The following CEP20 variants were observed in gnomAD, a reference collection of about 807,000 sequenced individuals.
CEP20 encodes the protein centrosomal protein 20.
A neutral mutation model predicts 20.0 loss-of-function variants in CEP20; 18 were observed. The observed-to-expected ratio is 0.90, with a 90% CI of 0.62 to 1.34. The LOEUF (loss-of-function observed/expected upper bound fraction) is 1.34, where lower values mean the gene tolerates loss of function less well. CEP20 is among the 40% of genes most tolerant of loss of function. CEP20 has a pLI of 0.00. For synonymous variants in CEP20, 77 were observed against 73.7 expected, an observed-to-expected ratio of 1.04 and a Z score of -0.23; for missense variants, 215 against 201.6, an observed-to-expected ratio of 1.07 and a Z score of -0.40.
intron 3 of CEP20, among the ~76,000 whole-genome samples, chr16:15,878,410 T>A (rs541880668): frequency 1.8e-4 from 28 of 152,238 alleles, no homozygotes; most frequent in African/African-American, 6.7e-4. Flanking sequence ...CCTGGAACAT[T>A]AATTTTACAC....
chr16:15,870,558 A>G (rs2044789163), intron 4 of CEP20, among the ~76,000 whole-genome samples: 1 of 152,216 alleles, frequency 6.6e-6, no homozygotes, highest in South Asian at 2.1e-4. Flanking sequence ...ACAATGTTAC[A>G]TCACAATACC....
chr16:15,870,583 T>C (rs2044789755), intron 4 of CEP20, among the ~76,000 whole-genome samples: 1 of 152,070 alleles, frequency 6.6e-6, no homozygotes, highest in Non-Finnish European at 1.5e-5. Flanking sequence ...AAGCAAAATA[T>C]TTAAAACTAA....
intron 4 of CEP20, among the ~76,000 whole-genome samples, chr16:15,872,518 T>C (rs2044846590): frequency 1.3e-5 from 2 of 152,152 alleles, no homozygotes; most frequent in Non-Finnish European, 2.9e-5. Context: ...ACCAGCCTAG[T>C]GAACACGGTT....
Position 15,878,935 on chromosome 16 carries a change from G to T in CEP20, c.311+869C>A, listed in dbSNP as rs184626330. Among the ~76,000 whole-genome samples, 139 of 151,332 alleles carry T rather than the reference G, an allele frequency of 9.2e-4. 1 individual carries two copies. Among genetic ancestry groups the T allele is most frequent in the African/African-American group, 3.3e-3 (136 of 41,218 alleles). ...TTGGCCTTAAGAACTTTTAGGATGA[G>T]AAAACGTAAGGCTTCAAAGAAAGTT... On this transcript the variant is annotated intron_variant, in intron 3 of 4. Coordinates refer to ENST00000255759, the MANE Select transcript of CEP20 (RefSeq NM_144600.4).
At chr16:15,880,652 A>G (rs12597187) in intron 2 of CEP20, among the ~76,000 whole-genome samples, 10,509 of 152,212 alleles carry the variant, frequency 0.069, 468 homozygotes, top group East Asian at 0.21. Context: ...ATCTACAGCA[A>G]GGGTCCCCAA....
rs2044692078 is a variant in CEP20 at position 15,866,865 on chromosome 16, G to C, written c.*575C>G. On this transcript the variant is annotated 3_prime_UTR_variant, in exon 5 of 5. Coordinates refer to ENST00000255759, the MANE Select transcript of CEP20 (RefSeq NM_144600.4). ...AAGTACATTGTTGCCTATTGAAAAG[G>C]TAATACAAAGCCCTTTCATTTCCTT... is the stretch of plus-strand genomic sequence containing the variant. 2 of 152,178 alleles carry C rather than the reference G, an allele frequency of 1.3e-5. No homozygotes were observed. Among genetic ancestry groups the C allele is most frequent in the Non-Finnish European group, 2.9e-5 (2 of 68,060 alleles). 9.4% of individuals were successfully genotyped at this position (152,178 alleles called of 1,614,324 possible).
In CEP20 at chr16:15,866,899, T is replaced by C. The variant is rs1458375489; in HGVS notation, c.*541A>G. ...AGCCCTTTCATTTCCTTACAAACTT[T>C]AAGGGCCTTTATAATACTTCCTAAA... On this transcript the variant is annotated 3_prime_UTR_variant, in exon 5 of 5. Coordinates refer to ENST00000255759, the MANE Select transcript of CEP20 (RefSeq NM_144600.4). The C allele has an allele frequency of 6.6e-6, 1 of 152,380 alleles. No homozygotes were observed. The highest frequency in any genetic ancestry group is 1.5e-5 in the Non-Finnish European group (1 of 68,172). 9.4% of individuals were successfully genotyped at this position (152,380 alleles called of 1,614,324 possible). A position where few individuals can be genotyped will look rare whatever the true frequency, so the allele number is the denominator to read the frequency against.
intron 1 of CEP20, among the ~76,000 whole-genome samples, chr16:15,885,366 C>T (rs916918355): frequency 6.6e-6 from 1 of 151,814 alleles, no homozygotes; most frequent in Admixed American, 6.6e-5. Context: ...TAATCCACAA[C>T]GCTTTAGGGA....
chr16:15,871,947 G>C (rs74442621), intron 4 of CEP20, among the ~76,000 whole-genome samples: 1 of 152,180 alleles, frequency 6.6e-6, no homozygotes, highest in Non-Finnish European at 1.5e-5. Flanking sequence ...CTAAAAGTTC[G>C]TGTCAACATT....
intron 1 of CEP20, 93 bp from the exon 2 acceptor site, chr16:15,884,298 A>G: frequency 8.7e-7 from 1 of 1,149,558 alleles, no homozygotes; most frequent in East Asian, 2.4e-5. Context: ...GGTAAATGGT[A>G]CAAAAACAGC....
At chr16:15,880,919 C>G (rs548253908) in intron 2 of CEP20, among the ~76,000 whole-genome samples, 3 of 151,728 alleles carry the variant, frequency 2.0e-5, no homozygotes, top group Admixed American at 1.3e-4. Context: ...CCATCACCCC[C>G]AGATGGGACC....
chr16:15,879,926 A>G, intron 2 of CEP20, 38 bp from the exon 3 acceptor site: 1 of 1,379,578 alleles, frequency 7.2e-7, no homozygotes. Flanking sequence ...TCAGTCTATT[A>G]AACTAAAAAG....
intron 4 of CEP20, among the ~76,000 whole-genome samples, chr16:15,870,921 C>T (rs1247359842): frequency 6.6e-6 from 1 of 152,104 alleles, no homozygotes; most frequent in Non-Finnish European, 1.5e-5. Context: ...GGATAACGTG[C>T]ACCATAACAA....
chr16:15,885,379 G>A (rs1309760708), intron 1 of CEP20, among the ~76,000 whole-genome samples: 1 of 151,928 alleles, frequency 6.6e-6, no homozygotes, highest in Non-Finnish European at 1.5e-5. Context: ...TTTAGGGAGT[G>A]AAAAGGTGTT....
chr16:15,878,599 C>T (rs868184064), intron 3 of CEP20, among the ~76,000 whole-genome samples: 3 of 151,714 alleles, frequency 2.0e-5, no homozygotes, highest in African/African-American at 7.3e-5. Context: ...CAGGTTAAAG[C>T]GATTCTCATG....
rs759880318 is a variant in CEP20, at chr16:15,884,126, T to G, written c.108A>C (p.Leu36=). Residue 36 remains leucine, a synonymous_variant, in exon 2 of 5, where the codon CTA becomes CTC. Transcript: ENST00000255759. ...ARIRAEVFNA[L]DDDREPRPSL... The stretch of plus-strand genomic sequence containing the variant: ...ATGGTCGGGGTTCACGGTCATCATC[T>G]AGGGCATTGAAAACTTCAGCTCGGA... The G allele has an allele frequency of 6.2e-7, 1 of 1,614,192 alleles. No homozygotes were observed. Among genetic ancestry groups the G allele is most frequent in the East Asian group, 2.2e-5 (1 of 44,876 alleles).
At chr16:15,883,985 T>A (rs1174858725) in intron 2 of CEP20, 23 bp downstream of exon 2, 5 of 1,575,954 alleles carry the variant, frequency 3.2e-6, no homozygotes, top group Non-Finnish European at 4.3e-6. Context: ...ACAGATTTTA[T>A]GTGATAAATA....
intron 1 of CEP20, 82 bp downstream of exon 1, chr16:15,888,476 G>A: frequency 6.3e-7 from 1 of 1,578,182 alleles, no homozygotes; most frequent in East Asian, 2.2e-5. Context: ...CATGTGTTCC[G>A]CGCGCTCTCC....
chr16:15,888,393 C>T (rs2045297578), intron 1 of CEP20, among the ~76,000 whole-genome samples, 165 bp downstream of exon 1: 3 of 152,210 alleles, frequency 2.0e-5, no homozygotes, highest in African/African-American at 4.8e-5. Context: ...GCTCCCCGCG[C>T]ACGGGCCAAG....
Sources: allele counts gnomAD v4.1 joint callset (sites outside exome capture counted in the v4.1 genomes callset), GRCh38; gene constraint gnomAD v4.1.1; transcripts MANE v1.5; gene names NCBI Gene and HGNC (gene_info 2026-07-23, HGNC 2026-07-21).